UNC119B: variants seen among roughly 807,000 people sequenced by gnomAD.
UNC119B encodes the protein unc-119 lipid binding chaperone B, also known as protein unc-119 homolog B.
In UNC119B, 16 loss-of-function variants were observed where a neutral mutation model predicts 23.4. The observed-to-expected ratio is 0.68, with a 90% CI of 0.46 to 1.04. UNC119B has a LOEUF of 1.04. Among genes scored for constraint, UNC119B ranks in the 50% least tolerant of loss-of-function variants. The pLI is 0.00. For missense variants in UNC119B, 350 were observed against 361.3 expected (o/e 0.97, Z 0.25); for synonymous variants, 144 against 145.4 (o/e 0.99, Z 0.07).
At chr12:120,717,990 T>C (rs2136932188) in intron 4 of UNC119B, among the ~76,000 whole-genome samples, 1 of 151,894 alleles carries the variant, frequency 6.6e-6, no homozygotes, top group Non-Finnish European at 1.5e-5. Flanking sequence ...TGCCTCAGCC[T>C]CCTGAGTAGC....
chr12:120,719,773 G>C (rs1157104014), intron 4 of UNC119B, 147 bp from the exon 5 acceptor site: 3 of 627,086 alleles, frequency 4.8e-6, no homozygotes, highest in African/African-American at 3.7e-5. Context: ...GCCTCCCTCT[G>C]TTCTGACCTC....
chr12:120,712,137 T>C (rs1718083046), intron 1 of UNC119B, among the ~76,000 whole-genome samples: 1 of 152,218 alleles, frequency 6.6e-6, no homozygotes, highest in South Asian at 2.1e-4. Flanking sequence ...ACTCAGATCC[T>C]ATCTGGGGGC....
rs1392505439 is a variant in UNC119B at position 120,719,993 on chromosome 12, G to A, written c.717G>A (p.Met239Ile). The A allele has an allele frequency of 2.5e-6, 4 of 1,614,020 alleles. No homozygotes were observed. The highest frequency in any genetic ancestry group is 2.2e-5 in the South Asian group (2 of 91,070). The change falls in exon 5 of 5, where the codon ATG becomes ATA. Residue 239 changes from methionine (M) to isoleucine (I), a missense_variant. Physicochemically the swap from Met to Ile is conservative, Grantham distance 10. Transcript: ENST00000344651. Reference sequence around the variant, plus strand: ...ACTTTGTTGACAACAAGCTGATAATGCACAACAAGGCTGATTATGCCTATA... The same window carrying A: ...ACTTTGTTGACAACAAGCTGATAATACACAACAAGGCTGATTATGCCTATA... ...SFYFVDNKLI[M>I]HNKADYAYNG...
In UNC119B at chr12:120,710,687, G is replaced by C; in HGVS notation, c.213G>C (p.Glu71Asp). ...TGGCGCTGGACACCATCCGGCCCGA[G>C]CACGTCCTGCGCCTCAGCCGGGTCA... ...ELLALDTIRP[E>D]HVLRLSRVTE... Residue 71 changes from glutamate (E) to aspartate (D), a missense_variant, in exon 1 of 5, where the codon GAG becomes GAC. Transcript: ENST00000344651. 1 of 1,444,046 alleles carries C rather than the reference G, an allele frequency of 6.9e-7. No individual in the cohort carries two copies. Among genetic ancestry groups the C allele is most frequent in the Non-Finnish European group, 9.1e-7 (1 of 1,102,730 alleles). The allele number at this position is 1,444,046 out of a possible 1,614,324, so 89.5% of individuals were successfully genotyped here. A position where few individuals can be genotyped will look rare whatever the true frequency, so the allele number is the denominator to read the frequency against.
intron 1 of UNC119B, 112 bp downstream of exon 1, chr12:120,710,830 C>A (rs895236362): frequency 9.2e-7 from 1 of 1,092,726 alleles, no homozygotes; most frequent in Admixed American, 4.4e-5. Flanking sequence ...CCCCCTCGGC[C>A]GGCCGGGCCG....
At chr12:120,716,558 G>A (rs1465125619) in intron 2 of UNC119B, 70 bp from the exon 3 acceptor site, 1 of 1,531,084 alleles carries the variant, frequency 6.5e-7, no homozygotes, top group African/African-American at 1.4e-5. Flanking sequence ...TGTGCTGTTG[G>A]GACTGGTGAT....
chr12:120,722,880 T>C lies in UNC119B; in HGVS notation c.*2848T>C, dbSNP rs1211514100. 1 of 152,332 alleles carries C rather than the reference T, an allele frequency of 6.6e-6. No homozygotes were observed. Among genetic ancestry groups the C allele is most frequent in the Non-Finnish European group, 1.5e-5 (1 of 68,122 alleles). 9.4% of individuals were successfully genotyped at this position (152,332 alleles called of 1,614,324 possible). ...TCAATACTGTTTTGCAGAGAAAACATTTTTCAAGCATGTGCTTCCTGAAGA... is the reference window on the plus strand; with the variant it reads ...TCAATACTGTTTTGCAGAGAAAACACTTTTCAAGCATGTGCTTCCTGAAGA... On this transcript the variant is annotated 3_prime_UTR_variant, in exon 5 of 5. Coordinates refer to ENST00000344651, the MANE Select transcript of UNC119B (RefSeq NM_001080533.3).
chr12:120,711,928 C>G (rs148890892), intron 1 of UNC119B, among the ~76,000 whole-genome samples: 8 of 152,332 alleles, frequency 5.3e-5, no homozygotes, highest in African/African-American at 1.9e-4. Context: ...CCTTACCAGA[C>G]CTGAACGTAT....
At chr12:120,711,924 C>G (rs986170138) in intron 1 of UNC119B, among the ~76,000 whole-genome samples, 1 of 152,194 alleles carries the variant, frequency 6.6e-6, no homozygotes, top group Non-Finnish European at 1.5e-5. Flanking sequence ...CTGTCCTTAC[C>G]AGACCTGAAC....
intron 4 of UNC119B, among the ~76,000 whole-genome samples, chr12:120,718,689 G>T (rs1310169975): frequency 6.6e-6 from 1 of 152,216 alleles, no homozygotes; most frequent in Non-Finnish European, 1.5e-5. Flanking sequence ...TTTGTGAATA[G>T]TTAGGGAAAA....
At chr12:120,713,613 G>A (rs955209952) in intron 2 of UNC119B, among the ~76,000 whole-genome samples, 1 of 152,216 alleles carries the variant, frequency 6.6e-6, no homozygotes, top group Non-Finnish European at 1.5e-5. Flanking sequence ...CCACGTCTTT[G>A]TGCACATCAG....
chr12:120,710,537 G>C lies in UNC119B; in HGVS notation c.63G>C (p.Val21=), dbSNP rs1437458588. The C allele has an allele frequency of 8.7e-6, 12 of 1,380,288 alleles. No individual in the cohort carries two copies. Among genetic ancestry groups the C allele is most frequent in the Non-Finnish European group, 1.1e-5 (12 of 1,073,340 alleles). 85.5% of individuals were successfully genotyped at this position (1,380,288 alleles called of 1,614,324 possible). The change falls in exon 1 of 5, where the codon GTG becomes GTC. Residue 21 remains valine (V), a synonymous_variant. Transcript: ENST00000344651. ...CGGCGGCTGGGCCCGGGGGGCTGGTGGCTGGCAAGGAGGAGAAGAAGAAGG... is the reference window on the plus strand; with the variant it reads ...CGGCGGCTGGGCCCGGGGGGCTGGTCGCTGGCAAGGAGGAGAAGAAGAAGG... ...AASAAGPGGL[V]AGKEEKKKAG...
At position 120,721,734 on chromosome 12, in the gene UNC119B, C is replaced by G. The variant is rs1041338682; in HGVS notation, c.*1702C>G. 6.5e-6 allele frequency: 1 copy of G among 152,732 alleles called. No homozygotes were observed. The highest frequency in any genetic ancestry group is 1.5e-5 in the Non-Finnish European group (1 of 68,102). The allele number at this position is 152,732 out of a possible 1,614,324, so 9.5% of individuals were successfully genotyped here. ...CGAGAGAGGGGAGAGACCATTCCTC[C>G]TGTGGAGTGGGTTCCTTATCACCAG... is the stretch of plus-strand genomic sequence containing the variant. On this transcript the variant is annotated 3_prime_UTR_variant, in exon 5 of 5. Coordinates refer to ENST00000344651, the MANE Select transcript of UNC119B (RefSeq NM_001080533.3).
In UNC119B at chr12:120,721,559, C is replaced by G. The variant is rs1321977607; in HGVS notation, c.*1527C>G. Reference sequence around the variant, plus strand: ...AATTCCTGTCCATCCACCACCAGTGCTGCTCCCTGTGTGGGCTTTAGGGCG... The same window carrying G: ...AATTCCTGTCCATCCACCACCAGTGGTGCTCCCTGTGTGGGCTTTAGGGCG... On this transcript the variant is annotated 3_prime_UTR_variant, in exon 5 of 5. Coordinates refer to ENST00000344651, the MANE Select transcript of UNC119B (RefSeq NM_001080533.3). The G allele has an allele frequency of 6.6e-6, 1 of 152,566 alleles. No homozygotes were observed. Among genetic ancestry groups the G allele is most frequent in the Admixed American group, 6.5e-5 (1 of 15,288 alleles). The allele number at this position is 152,566 out of a possible 1,614,324, so 9.5% of individuals were successfully genotyped here.
chr12:120,717,138 G>A (rs1882798526), intron 4 of UNC119B, 96 bp downstream of exon 4: 11 of 1,269,374 alleles, frequency 8.7e-6, no homozygotes, highest in South Asian at 8.2e-5. Flanking sequence ...GCATTGTCTC[G>A]TGGCAGTGCT....
chr12:120,720,842 G>A lies in UNC119B; in HGVS notation c.*810G>A, dbSNP rs958946490. ...GTAGTATCTCTTGAGGCCAGAGCAG[G>A]TCTTGTATTTTGTTTTTTTATTTCC... is the stretch of plus-strand genomic sequence containing the variant. On this transcript the variant is annotated 3_prime_UTR_variant, in exon 5 of 5. Transcript: ENST00000344651. 6.6e-6 allele frequency: 1 copy of A among 152,258 alleles called. No homozygotes were observed. The highest frequency in any genetic ancestry group is 1.5e-5 in the Non-Finnish European group (1 of 68,068). 9.4% of individuals were successfully genotyped at this position (152,258 alleles called of 1,614,324 possible).
At chr12:120,715,200 C>A (rs1267095519) in intron 2 of UNC119B, among the ~76,000 whole-genome samples, 6 of 152,084 alleles carry the variant, frequency 3.9e-5, no homozygotes, top group Admixed American at 6.5e-5. Flanking sequence ...CAAAATAAAT[C>A]AATAAATATA....
chr12:120,712,786 G>C (rs1272074730), intron 1 of UNC119B, among the ~76,000 whole-genome samples: 1 of 152,220 alleles, frequency 6.6e-6, no homozygotes, highest in African/African-American at 2.4e-5. Flanking sequence ...AGTTGTGACA[G>C]AGACCATGTG....
chr12:120,720,202 T>C lies in UNC119B; in HGVS notation c.*170T>C. 1.7e-6 allele frequency: 1 copy of C among 588,174 alleles called. No homozygotes were observed. The highest frequency in any genetic ancestry group is 2.9e-5 in the East Asian group (1 of 34,084). 36.4% of individuals were successfully genotyped at this position (588,174 alleles called of 1,614,324 possible). A position where few individuals can be genotyped will look rare whatever the true frequency, so the allele number is the denominator to read the frequency against. Reference sequence around the variant, plus strand: ...AAAGGAGCTGCCAAACAGTGCTGTGTTTTCTTCCCCAGTATTTTTTCTTCC... The same window carrying C: ...AAAGGAGCTGCCAAACAGTGCTGTGCTTTCTTCCCCAGTATTTTTTCTTCC... On this transcript the variant is annotated 3_prime_UTR_variant, in exon 5 of 5. Coordinates refer to ENST00000344651, the MANE Select transcript of UNC119B (RefSeq NM_001080533.3).
Sources: gnomAD v4.1 joint callset for allele counts (sites outside exome capture counted in the v4.1 genomes callset) on GRCh38, gnomAD v4.1.1 for gene constraint, MANE v1.5 for transcripts, NCBI Gene and HGNC (gene_info 2026-07-23, HGNC 2026-07-21) for gene names.